Variants in FMNL1 observed in about 807,000 individuals in gnomAD.
FMNL1 encodes formin like 1.
In FMNL1, 43 loss-of-function variants were observed where a neutral mutation model predicts 121.3. That is an observed-to-expected ratio of 0.35 (90% CI 0.28 to 0.46). The LOEUF (loss-of-function observed/expected upper bound fraction) is 0.46. Ranked by LOEUF, FMNL1 falls within the 20% of genes least tolerant of loss-of-function variation. The pLI is 1.00. For missense variants in FMNL1, 1,191 were observed against 1,482.4 expected (o/e 0.80, Z 3.23); for synonymous variants, 613 against 613.5 (o/e 1.00, Z 0.01).
rs747013310 is a variant in FMNL1, at chr17:45,232,926, CTG to C, written c.328-285_328-284del. The C allele has an allele frequency of 1.2e-3, 664 of 560,326 alleles. 2 individuals are homozygous for C. The highest frequency in any genetic ancestry group is 2.1e-3 in the East Asian group (51 of 24,370). 34.7% of individuals were successfully genotyped at this position (560,326 alleles called of 1,614,324 possible). On this transcript the variant is annotated intron_variant, in intron 3 of 26. Transcript: ENST00000331495. ...GTGCAGGTATATGGATGTTCATGTG[CTG>C]TGTGTGTGTGTGCGCACACACACTC...
chr17:45,229,235 C>T (rs1205625091), intron 1 of FMNL1, among the ~76,000 whole-genome samples: 2 of 152,244 alleles, frequency 1.3e-5, no homozygotes, highest in African/African-American at 4.8e-5. Context: ...GGCAGTTTCA[C>T]CTCTCCAGCA....
chr17:45,246,421 G>A lies in FMNL1; in HGVS notation c.3212-84G>A, dbSNP rs774053686. On this transcript the variant is annotated intron_variant, in intron 25 of 26. Coordinates refer to ENST00000331495, the MANE Select transcript of FMNL1 (RefSeq NM_005892.4). ...TGCGCTATCCTCTGGGGGACTGGCT[G>A]CCACACTGCTTCTTGCTACCTTTTC... is the stretch of plus-strand genomic sequence containing the variant. The A allele has an allele frequency of 3.1e-6, 5 of 1,612,512 alleles. 1 individual carries two copies. The South Asian group carries it at 5.5e-5, about 18-fold the overall frequency.
intron 1 of FMNL1, among the ~76,000 whole-genome samples, chr17:45,227,301 C>T (rs1159034480): frequency 1.3e-5 from 2 of 152,040 alleles, no homozygotes; most frequent in African/African-American, 4.8e-5. Flanking sequence ...GCCCCTTCAG[C>T]CTCCTGGGAC....
chr17:45,235,117 A>G (rs911727455), intron 6 of FMNL1, among the ~76,000 whole-genome samples: 2 of 152,254 alleles, frequency 1.3e-5, no homozygotes, highest in Non-Finnish European at 2.9e-5. Flanking sequence ...TTGTCCATTC[A>G]TGCAATTATG....
rs2043859787 is a variant in FMNL1 at position 45,247,288 on chromosome 17, TTA to T, written c.*434_*435del. 2.9e-6 allele frequency: 1 copy of T among 343,502 alleles called. No homozygotes were observed. Among genetic ancestry groups the T allele is most frequent in the Non-Finnish European group, 5.3e-6 (1 of 189,058 alleles). The allele number at this position is 343,502 out of a possible 1,614,324, so 21.3% of individuals were successfully genotyped here. On this transcript the variant is annotated 3_prime_UTR_variant, in exon 27 of 27. Transcript: ENST00000331495. Reference sequence around the variant, plus strand: ...CGAGGACCGTCCATGGACCTTATTTTTATATGAGATTAATAAAGATGTTTGCA... The same window carrying T: ...CGAGGACCGTCCATGGACCTTATTTTTATGAGATTAATAAAGATGTTTGCA...
intron 12 of FMNL1, 106 bp downstream of exon 12, chr17:45,240,731 T>G (rs2043670078): frequency 2.1e-6 from 3 of 1,441,274 alleles, no homozygotes; most frequent in Non-Finnish European, 2.8e-6. Flanking sequence ...GTGTTATAAT[T>G]GTGCATTGGA....
Position 45,234,171 on chromosome 17 carries a change from C to A in FMNL1, c.585C>A (p.Ser195=). Residue 195 remains serine (S), a synonymous_variant, in exon 6 of 27, where the codon TCC becomes TCA. Coordinates refer to ENST00000331495, the MANE Select transcript of FMNL1 (RefSeq NM_005892.4). ...VEDLSKGPPS[S]VPKSRHLTIK... ...ACCTCAGCAAGGGTCCACCCTCCTC[C>A]GTGCCCAAAAGCCGCCACCTGACCA... 1.9e-6 allele frequency: 3 copies of A among 1,614,110 alleles called. No homozygotes were observed. Among genetic ancestry groups the A allele is most frequent in the Non-Finnish European group, 2.5e-6 (3 of 1,180,016 alleles).
At chr17:45,246,392 C>G (rs888363116) in intron 25 of FMNL1, 62 bp downstream of exon 25, 2 of 1,613,374 alleles carry the variant, frequency 1.2e-6, no homozygotes, top group African/African-American at 2.7e-5. Context: ...TTCTTCTGAC[C>G]CAATGCGCTA....
chr17:45,233,415 A>T lies in FMNL1; in HGVS notation c.401+118A>T. The T allele has an allele frequency of 8.7e-7, 1 of 1,152,106 alleles. No homozygotes were observed. Among genetic ancestry groups the T allele is most frequent in the Non-Finnish European group, 1.2e-6 (1 of 820,656 alleles). 71.4% of individuals were successfully genotyped at this position (1,152,106 alleles called of 1,614,324 possible). A position where few individuals can be genotyped will look rare whatever the true frequency, so the allele number is the denominator to read the frequency against. On this transcript the variant is annotated intron_variant, in intron 4 of 26. Coordinates refer to ENST00000331495, the MANE Select transcript of FMNL1 (RefSeq NM_005892.4). The surrounding 1 kb of genome is among the most constrained non-coding windows in gnomAD (Gnocchi z 4.1). ...CTGCACAAGGCTGTGCTTGTGGACC[A>T]CCTCCTGGAGGTGTCCAGGACAGCT...
chr17:45,235,217 A>C (rs2043526018), intron 6 of FMNL1, among the ~76,000 whole-genome samples: 1 of 152,248 alleles, frequency 6.6e-6, no homozygotes, highest in African/African-American at 2.4e-5. Flanking sequence ...AGGGGCCCAC[A>C]GTCTAAGTGG....
chr17:45,226,025 G>A (rs2043322090), intron 1 of FMNL1, among the ~76,000 whole-genome samples: 1 of 152,100 alleles, frequency 6.6e-6, no homozygotes, highest in Non-Finnish European at 1.5e-5. Context: ...AGCGGAGGGA[G>A]CCCAGACCCT....
chr17:45,232,042 T>G (rs1598187986), intron 2 of FMNL1, among the ~76,000 whole-genome samples: 1 of 151,986 alleles, frequency 6.6e-6, no homozygotes. Flanking sequence ...GGCGTGGTGG[T>G]GCACACCCGT....
At chr17:45,223,458 TG>T (rs1398313112) in intron 1 of FMNL1, among the ~76,000 whole-genome samples, 5 of 152,136 alleles carry the variant, frequency 3.3e-5, no homozygotes, top group Non-Finnish European at 5.9e-5. Context: ...AAGAGAAGGC[TG>T]GGGGGAGTTT....
At chr17:45,230,155 A>C (rs571127330) in intron 1 of FMNL1, among the ~76,000 whole-genome samples, 4,934 of 152,202 alleles carry the variant, frequency 0.032, 136 homozygotes, top group Non-Finnish European at 0.049. Context: ...TGGAGGTGGG[A>C]CACTGGCCAC....
Position 45,233,214 on chromosome 17 carries a change from C to T in FMNL1, c.328-10C>T, listed in dbSNP as rs113667139. On this transcript the variant is annotated splice_polypyrimidine_tract_variant and intron_variant, in intron 3 of 26. Coordinates refer to ENST00000331495, the MANE Select transcript of FMNL1 (RefSeq NM_005892.4). The surrounding 1 kb of genome is among the most constrained non-coding windows in gnomAD (Gnocchi z 4.1). ...TCCACCCACCAGCCTTCCCTGTTCT[C>T]GGTCCCCAGTTTAAGAGGCGAGTTC... The T allele has an allele frequency of 3.5e-5, 55 of 1,553,670 alleles. 1 individual carries two copies. Among genetic ancestry groups the T allele is most frequent in the African/African-American group, 1.8e-4 (13 of 73,286 alleles).
chr17:45,241,966 C>T lies in FMNL1; in HGVS notation c.1705C>T (p.Pro569Ser), dbSNP rs915682673. 2 of 1,332,244 alleles carry T rather than the reference C, an allele frequency of 1.5e-6. No individual in the cohort carries two copies. The highest frequency in any genetic ancestry group is 1.6e-5 in the African/African-American group (1 of 64,302). 82.5% of individuals were successfully genotyped at this position (1,332,244 alleles called of 1,614,324 possible). ...TGCGCCCCCACAGGCCCCGCCTCTCCCTGGCAGCCCGGAGCCCCCGCCTGC... is the reference window on the plus strand; with the variant it reads ...TGCGCCCCCACAGGCCCCGCCTCTCTCTGGCAGCCCGGAGCCCCCGCCTGC... ...PSAPPQAPPL[P>S]GSPEPPPAPP... Residue 569 changes from proline (P) to serine (S), a missense_variant, in exon 15 of 27, where the codon CCT becomes TCT. Pro to Ser is a moderately conservative substitution (Grantham distance 74). Transcript: ENST00000331495. This position sits in a 1 kb window ranked among gnomAD's most constrained non-coding sequence, Gnocchi z 7.0.
rs1460990125 is a variant in FMNL1, at chr17:45,241,071, C to T, written c.1231-58C>T. Reference sequence around the variant, plus strand: ...GCAGGCATGCCTGATGCCGCCCCCTCACCGGCGGTGCCAGTGCCGGGCTGC... The same window carrying T: ...GCAGGCATGCCTGATGCCGCCCCCTTACCGGCGGTGCCAGTGCCGGGCTGC... On this transcript the variant is annotated intron_variant, in intron 12 of 26. Transcript: ENST00000331495. The surrounding 1 kb of genome is among the most constrained non-coding windows in gnomAD (Gnocchi z 7.0). 4 of 1,598,436 alleles carry T rather than the reference C, an allele frequency of 2.5e-6. No individual in the cohort carries two copies. Among genetic ancestry groups the T allele is most frequent in the African/African-American group, 2.7e-5 (2 of 74,564 alleles).
In FMNL1 at chr17:45,244,114, G is replaced by A. The variant is rs1376301198; in HGVS notation, c.2449-62G>A. The A allele has an allele frequency of 7.5e-6, 12 of 1,608,736 alleles. No individual in the cohort carries two copies. In the East Asian group the frequency reaches 2.7e-4, roughly 36 times the overall value. Reference sequence around the variant, plus strand: ...CTGGGCTGCGGCAGGGAACCTGGGAGTACTTGAGCCTCCAGATGGAGGAGG... The same window carrying A: ...CTGGGCTGCGGCAGGGAACCTGGGAATACTTGAGCCTCCAGATGGAGGAGG... On this transcript the variant is annotated intron_variant, in intron 18 of 26. Transcript: ENST00000331495.
chr17:45,226,554 G>T (rs988034011), intron 1 of FMNL1, among the ~76,000 whole-genome samples: 3 of 152,218 alleles, frequency 2.0e-5, no homozygotes, highest in African/African-American at 7.2e-5. Flanking sequence ...CCCTGGGCAA[G>T]CACCTTAACC....
Sources: allele counts gnomAD v4.1 joint callset (sites outside exome capture counted in the v4.1 genomes callset), GRCh38; gene constraint gnomAD v4.1.1; non-coding constraint Gnocchi (gnomAD v3.1); transcripts MANE v1.5; gene names NCBI Gene and HGNC (gene_info 2026-07-23, HGNC 2026-07-21).